TMPRSS11B: variants seen among roughly 807,000 people sequenced by gnomAD.
TMPRSS11B encodes transmembrane protease serine 11B.
In TMPRSS11B, 53 loss-of-function variants were observed where a neutral mutation model predicts 44.7. The observed-to-expected ratio is 1.19, with a 90% CI of 0.95 to 1.49. TMPRSS11B has a LOEUF of 1.49. Among genes scored for constraint, TMPRSS11B ranks in the 40% most tolerant of loss-of-function variants. The probability of loss-of-function intolerance (pLI) is 0.00; values close to 1 mark genes in which losing one functional copy is unlikely to be tolerated. For synonymous variants in TMPRSS11B, 140 were observed against 159.2 expected (o/e 0.88, Z 0.91); for missense variants, 526 against 494.8 (o/e 1.06, Z -0.60).
chr4:68,238,679 G>A (rs1719740744), intron 2 of TMPRSS11B, among the ~76,000 whole-genome samples: 1 of 151,774 alleles, frequency 6.6e-6, no homozygotes, highest in Non-Finnish European at 1.5e-5. Context: ...GTTTGCTGAG[G>A]TCACACCACT....
At chr4:68,240,474 C>A (rs1360809617) in intron 2 of TMPRSS11B, among the ~76,000 whole-genome samples, 1 of 152,118 alleles carries the variant, frequency 6.6e-6, no homozygotes, top group Non-Finnish European at 1.5e-5. Context: ...CCTGCTCCAG[C>A]CAGGGTTCTG....
intron 2 of TMPRSS11B, among the ~76,000 whole-genome samples, chr4:68,240,305 A>G (rs917748342): frequency 6.6e-6 from 1 of 152,186 alleles, no homozygotes; most frequent in African/African-American, 2.4e-5. Context: ...GACTTCAAAC[A>G]ACATTTACCA....
chr4:68,232,599 A>G (rs1046465470), intron 5 of TMPRSS11B, among the ~76,000 whole-genome samples, 183 bp from the exon 6 acceptor site: 2 of 152,214 alleles, frequency 1.3e-5, no homozygotes, highest in Non-Finnish European at 2.9e-5. Flanking sequence ...CCATCTCTCC[A>G]TATCTCTACT....
rs1169108796 is a variant in TMPRSS11B, at chr4:68,229,254, T to C, written c.946+3A>G. Reference sequence around the variant, plus strand: ...GCTATTATGATTTTACAAAAAAACTTACCATTCATATAAAGTGTTCCCCAA... The same window carrying C: ...GCTATTATGATTTTACAAAAAAACTCACCATTCATATAAAGTGTTCCCCAA... On this transcript the variant is annotated splice_donor_region_variant and intron_variant, in intron 8 of 9. Transcript: ENST00000332644. The C allele has an allele frequency of 3.8e-6, 6 of 1,583,540 alleles. No individual in the cohort carries two copies. In the South Asian group the frequency reaches 6.9e-5, roughly 18 times the overall value.
At chr4:68,241,661 A>C in intron 2 of TMPRSS11B, 28 bp downstream of exon 2, 3 of 1,365,496 alleles carry the variant, frequency 2.2e-6, no homozygotes, top group Non-Finnish European at 3.1e-6. Context: ...TATAGCAAGG[A>C]TGAAAACTGA....
At position 68,228,742 on chromosome 4, in the gene TMPRSS11B, C is replaced by T. The variant is rs375856240; in HGVS notation, c.1089G>A (p.Gln363=). ...AACTGGATAATGTAACTAGACATAC[C>T]TGACATGCATCAGCTTCTCCTGACA... ...GFMSGEADAC[Q]NDSGGPLAYP... Residue 363 remains glutamine, a splice_region_variant and synonymous_variant, in exon 9 of 10, where the codon CAG becomes CAA. Transcript: ENST00000332644. 6.3e-5 allele frequency: 102 copies of T among 1,606,396 alleles called. No homozygotes were observed. The highest frequency in any genetic ancestry group is 8.4e-5 in the Non-Finnish European group (99 of 1,177,142).
chr4:68,242,360 T>C (rs1719880929), intron 1 of TMPRSS11B, among the ~76,000 whole-genome samples: 1 of 50,474 alleles, frequency 2.0e-5, no homozygotes, highest in East Asian at 6.6e-4. Flanking sequence ...TATAATATTA[T>C]ATTATATATA....
chr4:68,231,175 C>A, intron 7 of TMPRSS11B, 28 bp downstream of exon 7: 1 of 1,584,446 alleles, frequency 6.3e-7, no homozygotes, highest in Admixed American at 1.8e-5. Flanking sequence ...ACCTAGCATC[C>A]TTCATTTAGT....
chr4:68,242,660 C>T (rs1719893770), intron 1 of TMPRSS11B, among the ~76,000 whole-genome samples: 1 of 151,154 alleles, frequency 6.6e-6, no homozygotes, highest in Non-Finnish European at 1.5e-5. Flanking sequence ...ACCTCTGCCC[C>T]ACTGGGCTCA....
intron 7 of TMPRSS11B, among the ~76,000 whole-genome samples, chr4:68,230,164 C>T (rs1465085332): frequency 2.0e-5 from 3 of 152,072 alleles, no homozygotes; most frequent in African/African-American, 7.2e-5. Context: ...TCCAGTTCAC[C>T]GTTGCTGGGC....
intron 1 of TMPRSS11B, among the ~76,000 whole-genome samples, chr4:68,243,728 A>G (rs1273876228): frequency 3.3e-5 from 5 of 152,202 alleles, no homozygotes; most frequent in Non-Finnish European, 5.9e-5. Context: ...TTAGCCAGTT[A>G]TAACAGTCTG....
chr4:68,231,429 T>C (rs1719513262), intron 6 of TMPRSS11B, 49 bp from the exon 7 acceptor site: 2 of 1,341,222 alleles, frequency 1.5e-6, no homozygotes, highest in Non-Finnish European at 1.9e-6. Context: ...TGATTACGCA[T>C]TATAAAAAAA....
At position 68,228,784 on chromosome 4, in the gene TMPRSS11B, C is replaced by T. The variant is rs764148884; in HGVS notation, c.1047G>A (p.Met349Ile). Residue 349 changes from methionine (M) to isoleucine (I), a missense_variant, in exon 9 of 10, where the codon ATG becomes ATA. Coordinates refer to ENST00000332644, the MANE Select transcript of TMPRSS11B (RefSeq NM_182502.3). ...YAYSGFVTDTMLCAGFMSGEA... is the reference protein window; with the variant it reads ...YAYSGFVTDTILCAGFMSGEA... ...CTCCTGACATAAATCCAGCACATAA[C>T]ATTGTATCAGTCACAAAGCCAGAGT... 1.2e-6 allele frequency: 2 copies of T among 1,613,804 alleles called. No homozygotes were observed. The highest frequency in any genetic ancestry group is 1.7e-5 in the Admixed American group (1 of 59,994).
intron 1 of TMPRSS11B, among the ~76,000 whole-genome samples, chr4:68,244,651 G>T (rs1719951501): frequency 6.6e-6 from 1 of 152,188 alleles, no homozygotes; most frequent in South Asian, 2.1e-4. Flanking sequence ...TCAAAATGGT[G>T]GTGAGTACAT....
rs757499120 is a variant in TMPRSS11B, at chr4:68,228,738, A to G, written c.1089+4T>C. Reference sequence around the variant, plus strand: ...AAACAACTGGATAATGTAACTAGACATACCTGACATGCATCAGCTTCTCCT... The same window carrying G: ...AAACAACTGGATAATGTAACTAGACGTACCTGACATGCATCAGCTTCTCCT... On this transcript the variant is annotated splice_donor_region_variant and intron_variant, in intron 9 of 9. Transcript: ENST00000332644. The G allele has an allele frequency of 5.6e-6, 9 of 1,605,370 alleles. No individual in the cohort carries two copies. The highest frequency in any genetic ancestry group is 7.6e-6 in the Non-Finnish European group (9 of 1,177,030).
In TMPRSS11B at chr4:68,236,075, A is replaced by C. The variant is rs745614545; in HGVS notation, c.241-6T>G. The C allele has an allele frequency of 1.6e-5, 25 of 1,589,330 alleles. No individual in the cohort carries two copies. The highest frequency in any genetic ancestry group is 6.8e-5 in the East Asian group (3 of 44,428). ...TTTTGAAATGCATTTAACATCTGAC[A>C]AGAGAAAAAAAACAGTCATCATGTA... On this transcript the variant is annotated splice_polypyrimidine_tract_variant and splice_region_variant and intron_variant, in intron 3 of 9. Coordinates refer to ENST00000332644, the MANE Select transcript of TMPRSS11B (RefSeq NM_182502.3).
Position 68,242,235 on chromosome 4 carries a change from T to TTATATATATTATAATATATATA in TMPRSS11B, c.9-432_9-431insTATATATATTATAATATATATA, listed in dbSNP as rs1560445381. On this transcript the variant is annotated intron_variant, in intron 1 of 9. Coordinates refer to ENST00000332644, the MANE Select transcript of TMPRSS11B (RefSeq NM_182502.3). ...ATATATAATATTATATTATATTATATATATTATATTATATATATTATAATA... is the reference window on the plus strand; with the variant it reads ...ATATATAATATTATATTATATTATATTATATATATTATAATATATATAATATTATATTATATATATTATAATA... 2.7e-4 allele frequency among the ~76,000 whole-genome samples: 22 copies of TTATATATATTATAATATATATA among 82,596 alleles called. 1 individual carries two copies. Among genetic ancestry groups the TTATATATATTATAATATATATA allele is most frequent in the Non-Finnish European group, 4.0e-4 (19 of 47,006 alleles). The allele number at this position is 82,596 out of a possible 152,430, so 54.2% of individuals were successfully genotyped here.
At chr4:68,235,981 C>A in intron 4 of TMPRSS11B, 21 bp downstream of exon 4, 1 of 1,475,252 alleles carries the variant, frequency 6.8e-7, no homozygotes, top group Non-Finnish European at 9.1e-7. Flanking sequence ...TTCATAAAAT[C>A]TTAAATGAAC....
At chr4:68,232,255 T>C in intron 6 of TMPRSS11B, 123 bp downstream of exon 6, 1 of 805,914 alleles carries the variant, frequency 1.2e-6, no homozygotes, top group East Asian at 2.7e-5. Flanking sequence ...CTGGTATATC[T>C]AGTAATTCGG....
Sources: allele counts gnomAD v4.1 joint callset (sites outside exome capture counted in the v4.1 genomes callset), GRCh38; gene constraint gnomAD v4.1.1; transcripts MANE v1.5; gene names NCBI Gene and HGNC (gene_info 2026-07-23, HGNC 2026-07-21).